The following PCED1B variants were observed in gnomAD, a reference collection of about 807,000 sequenced individuals.
PCED1B encodes PC-esterase domain containing 1B, also known as PC-esterase domain-containing protein 1B.
For synonymous variants in PCED1B, 251 were observed against 246.1 expected (o/e 1.02, Z -0.19); for missense variants, 573 against 573.9 (o/e 1.00, Z 0.02).
chr12:47,109,179 G>T (rs1387446432), intron 2 of PCED1B, among the ~76,000 whole-genome samples: 1 of 152,134 alleles, frequency 6.6e-6, no homozygotes, highest in Non-Finnish European at 1.5e-5. Flanking sequence ...AAATTTTCAA[G>T]AAGATTCAAG....
intron 2 of PCED1B, among the ~76,000 whole-genome samples, chr12:47,138,020 C>G (rs1453225042): frequency 2.0e-5 from 3 of 152,152 alleles, no homozygotes; most frequent in Non-Finnish European, 4.4e-5. Context: ...AAGCAGACCT[C>G]ATTCTGGAGT....
intron 2 of PCED1B, among the ~76,000 whole-genome samples, chr12:47,160,375 C>A (rs1358946528): frequency 7.3e-6 from 1 of 136,446 alleles, no homozygotes. Context: ...TCACAGCCCA[C>A]TGAAGCCTCG....
chr12:47,138,235 G>A (rs1022637384), intron 2 of PCED1B: 11 of 152,170 alleles, frequency 7.2e-5, no homozygotes, highest in African/African-American at 2.4e-4. Flanking sequence ...TCCATTTGGT[G>A]CCTGCTTCCT....
intron 2 of PCED1B, among the ~76,000 whole-genome samples, chr12:47,121,334 G>A (rs1251672602): frequency 2.0e-5 from 3 of 152,060 alleles, no homozygotes; most frequent in African/African-American, 7.3e-5. Context: ...TGAATCGTTA[G>A]TGGGTACTCA....
chr12:47,181,904 GA>G (rs1942107046), intron 2 of PCED1B, among the ~76,000 whole-genome samples: 1 of 152,036 alleles, frequency 6.6e-6, no homozygotes, highest in African/African-American at 2.4e-5. Context: ...TTCAAAATCA[GA>G]ACTAAACCCA....
chr12:47,101,555 C>T (rs1032335083), intron 1 of PCED1B, among the ~76,000 whole-genome samples: 4 of 152,162 alleles, frequency 2.6e-5, no homozygotes, highest in Non-Finnish European at 4.4e-5. Context: ...TTCTACATTA[C>T]ATGCAATTAT....
chr12:47,174,299 CT>C (rs1941850244), intron 2 of PCED1B, among the ~76,000 whole-genome samples: 1 of 151,908 alleles, frequency 6.6e-6, no homozygotes, highest in African/African-American at 2.4e-5. Context: ...ATTCCAGCTA[CT>C]CGGGAGGCTG....
intron 2 of PCED1B, among the ~76,000 whole-genome samples, chr12:47,214,893 T>C (rs1943202255): frequency 6.6e-6 from 1 of 152,162 alleles, no homozygotes; most frequent in African/African-American, 2.4e-5. Flanking sequence ...TGGGGTGGCA[T>C]ATTTTTTATT....
intron 2 of PCED1B, among the ~76,000 whole-genome samples, chr12:47,107,501 C>A (rs1401579502): frequency 6.6e-6 from 1 of 152,222 alleles, no homozygotes; most frequent in Non-Finnish European, 1.5e-5. Flanking sequence ...ACCATTTTCC[C>A]AGAAGAAGCA....
chr12:47,089,461 C>CATGTATATATATATGTATGTATAT (rs1233280547), intron 1 of PCED1B, among the ~76,000 whole-genome samples: 1 of 63,398 alleles, frequency 1.6e-5, no homozygotes, highest in Non-Finnish European at 2.9e-5. Flanking sequence ...AAAAAAAATA[C>CATGTATATATATATGTATGTATAT]ATATATATAT....
chr12:47,157,960 A>G (rs989524914), intron 2 of PCED1B, among the ~76,000 whole-genome samples: 3 of 152,228 alleles, frequency 2.0e-5, no homozygotes, highest in African/African-American at 7.2e-5. Flanking sequence ...ATGTTGTAGC[A>G]TGTGTCAGGA....
At chr12:47,217,466 GAAAGAGAAAGAAAGAA>G (rs767216816) in intron 3 of PCED1B, among the ~76,000 whole-genome samples, 1,600 of 70,600 alleles carry the variant, frequency 0.023, 109 homozygotes, top group Non-Finnish European at 0.026. Context: ...GAAAAAGAAA[GAAAGAGAAAGAAAGAA>G]AGAAAGAAAG....
chr12:47,140,634 A>C (rs970747461), intron 2 of PCED1B, among the ~76,000 whole-genome samples: 9 of 152,226 alleles, frequency 5.9e-5, no homozygotes, highest in African/African-American at 1.7e-4. Context: ...TTGCTTCACT[A>C]TTGAGAATTC....
intron 1 of PCED1B, among the ~76,000 whole-genome samples, chr12:47,081,686 A>G (rs1250465298): frequency 1.3e-5 from 2 of 152,188 alleles, no homozygotes; most frequent in Non-Finnish European, 2.9e-5. Flanking sequence ...TAGAATAGTT[A>G]ATACAGAGGA....
At chr12:47,209,203 C>G (rs763991108) in intron 2 of PCED1B, 2 of 152,242 alleles carry the variant, frequency 1.3e-5, no homozygotes, top group African/African-American at 4.8e-5. Flanking sequence ...AGTCCTTTCC[C>G]TTTTCTGATA....
chr12:47,234,096 C>A (rs1943895929), intron 3 of PCED1B, among the ~76,000 whole-genome samples: 2 of 152,226 alleles, frequency 1.3e-5, no homozygotes, highest in South Asian at 2.1e-4. Flanking sequence ...CCAAGCAATT[C>A]TCCTGCCTCA....
At chr12:47,183,679 C>T (rs1453857940) in intron 2 of PCED1B, among the ~76,000 whole-genome samples, 1 of 152,156 alleles carries the variant, frequency 6.6e-6, no homozygotes, top group Non-Finnish European at 1.5e-5. Flanking sequence ...ATCCTGGTAA[C>T]TTTCACTACT....
intron 2 of PCED1B, among the ~76,000 whole-genome samples, chr12:47,178,042 G>A (rs148655003): frequency 1.3e-5 from 2 of 152,150 alleles, no homozygotes; most frequent in East Asian, 1.9e-4. Context: ...GAGGGTAAAG[G>A]CCAGAAGCTG....
intron 2 of PCED1B, among the ~76,000 whole-genome samples, chr12:47,169,866 A>G (rs1941664887): frequency 1.3e-5 from 2 of 151,420 alleles, no homozygotes; most frequent in Admixed American, 1.3e-4. Context: ...AAAAAAAAAA[A>G]AAGTTCTTTT....
Sources: gnomAD v4.1 joint callset for allele counts (sites outside exome capture counted in the v4.1 genomes callset) on GRCh38, gnomAD v4.1.1 for gene constraint, MANE v1.5 for transcripts, NCBI Gene and HGNC (gene_info 2026-07-23, HGNC 2026-07-21) for gene names.